NIM1K: variants seen among roughly 807,000 people sequenced by gnomAD.
NIM1K encodes serine/threonine-protein kinase NIM1.
NIM1K carries 35 observed loss-of-function variants against 37.1 expected under a neutral mutation model. That is an observed-to-expected ratio of 0.94 (90% CI 0.72 to 1.25). NIM1K has a LOEUF of 1.25. Ranked by LOEUF, NIM1K falls within the 50% of genes most tolerant of loss-of-function variation. The probability of loss-of-function intolerance (pLI) is 0.00; values close to 1 mark genes in which losing one functional copy is unlikely to be tolerated. For missense variants in NIM1K, 564 were observed against 548.0 expected (o/e 1.03, Z -0.29); for synonymous variants, 234 against 206.6 (o/e 1.13, Z -1.14).
chr5:43,244,709 T>C (rs1351336867), intron 1 of NIM1K, among the ~76,000 whole-genome samples: 1 of 152,238 alleles, frequency 6.6e-6, no homozygotes, highest in African/African-American at 2.4e-5. Flanking sequence ...ATTATTTGAA[T>C]AAATATGAGA....
At chr5:43,211,398 TG>T (rs1321414376) in intron 1 of NIM1K, among the ~76,000 whole-genome samples, 1 of 152,186 alleles carries the variant, frequency 6.6e-6, no homozygotes, top group Non-Finnish European at 1.5e-5. Flanking sequence ...TTGTTTTCCT[TG>T]GGTCTGCATC....
intron 2 of NIM1K, among the ~76,000 whole-genome samples, chr5:43,268,688 C>T (rs1053684370): frequency 6.6e-6 from 1 of 152,164 alleles, no homozygotes; most frequent in African/African-American, 2.4e-5. Context: ...TATATCCACA[C>T]CTTAGCAGAA....
intron 1 of NIM1K, among the ~76,000 whole-genome samples, chr5:43,240,942 A>T (rs1752691363): frequency 6.6e-6 from 1 of 151,998 alleles, no homozygotes; most frequent in Admixed American, 6.5e-5. Flanking sequence ...TTTATGTCAG[A>T]AATACACATC....
At chr5:43,199,756 A>G (rs1481309827) in intron 1 of NIM1K, among the ~76,000 whole-genome samples, 3 of 152,236 alleles carry the variant, frequency 2.0e-5, no homozygotes, top group African/African-American at 7.2e-5. Context: ...GAAGAGAGTT[A>G]GTAGTGACGT....
intron 2 of NIM1K, among the ~76,000 whole-genome samples, chr5:43,257,963 A>C (rs148087084): frequency 1.5e-3 from 232 of 152,204 alleles, no homozygotes; most frequent in African/African-American, 5.4e-3. Flanking sequence ...TATCAATACC[A>C]AAAAAGTTTA....
chr5:43,203,167 C>T (rs940186181), intron 1 of NIM1K, among the ~76,000 whole-genome samples: 1 of 152,142 alleles, frequency 6.6e-6, no homozygotes, highest in African/African-American at 2.4e-5. Context: ...TCCTAGGCTC[C>T]ACTCAGTTCC....
At chr5:43,219,761 C>T (rs1293229731) in intron 1 of NIM1K, among the ~76,000 whole-genome samples, 2 of 151,906 alleles carry the variant, frequency 1.3e-5, no homozygotes, top group African/African-American at 4.8e-5. Context: ...GGCTCTGTCG[C>T]CCACAGGCTG....
rs1443860217 is a variant in NIM1K, at chr5:43,245,775, G to A, written c.-1G>A. On this transcript the variant is annotated 5_prime_UTR_variant, in exon 2 of 4. Coordinates refer to ENST00000326035, the MANE Select transcript of NIM1K (RefSeq NM_153361.4). ...GATGGAGACGTGAGCCCCCGTGGACGATGACTGCAGTGTATATGAATGGAG... is the reference window on the plus strand; with the variant it reads ...GATGGAGACGTGAGCCCCCGTGGACAATGACTGCAGTGTATATGAATGGAG... 2 of 1,577,142 alleles carry A rather than the reference G, an allele frequency of 1.3e-6. No individual in the cohort carries two copies. The highest frequency in any genetic ancestry group is 1.2e-5 in the South Asian group (1 of 86,514).
At chr5:43,202,624 A>G (rs948232121) in intron 1 of NIM1K, among the ~76,000 whole-genome samples, 4 of 152,208 alleles carry the variant, frequency 2.6e-5, no homozygotes, top group Non-Finnish European at 4.4e-5. Flanking sequence ...TGGTTTAGCC[A>G]AGTATTAAGA....
At chr5:43,278,025 TTCC>T (rs1333277651) in intron 3 of NIM1K, among the ~76,000 whole-genome samples, 405 of 150,372 alleles carry the variant, frequency 2.7e-3, no homozygotes, top group African/African-American at 8.7e-3. Context: ...TTTTCCTTCC[TTCC>T]TTCCTTCCTT....
intron 2 of NIM1K, among the ~76,000 whole-genome samples, chr5:43,253,212 ATGTGTGTG>A (rs10603525): frequency 0.46 from 60,272 of 129,648 alleles, 15,378 homozygotes; most frequent in Middle Eastern, 0.55. Flanking sequence ...AATATAATAT[ATGTGTGTG>A]TGTGTGTGTG....
intron 1 of NIM1K, among the ~76,000 whole-genome samples, chr5:43,215,176 C>T (rs556921365): frequency 1.8e-4 from 27 of 152,208 alleles, no homozygotes; most frequent in Non-Finnish European, 2.9e-4. Context: ...GGTCAATTAG[C>T]AAGTACTATG....
At chr5:43,194,944 GT>G (rs1208150953) in intron 1 of NIM1K, 1 of 152,080 alleles carries the variant, frequency 6.6e-6, no homozygotes, top group Non-Finnish European at 1.5e-5. Context: ...GTAGGTTAAT[GT>G]TTTTGTCACA....
intron 2 of NIM1K, among the ~76,000 whole-genome samples, chr5:43,272,355 C>T (rs1753270616): frequency 6.6e-6 from 1 of 152,066 alleles, no homozygotes; most frequent in African/African-American, 2.4e-5. Context: ...TTTTATGCTC[C>T]TAATGCTCCT....
chr5:43,222,061 C>CTTGGTGTCTAT (rs1752387955), intron 1 of NIM1K, among the ~76,000 whole-genome samples: 1 of 152,196 alleles, frequency 6.6e-6, no homozygotes, highest in Non-Finnish European at 1.5e-5. Context: ...TGGACAGACA[C>CTTGGTGTCTAT]TACCTCTGGC....
At chr5:43,264,185 T>C (rs959365501) in intron 2 of NIM1K, among the ~76,000 whole-genome samples, 1 of 152,216 alleles carries the variant, frequency 6.6e-6, no homozygotes, top group East Asian at 1.9e-4. Context: ...TTGTTAACTT[T>C]CTGTCTCATT....
chr5:43,278,096 A>G (rs1197982856), intron 3 of NIM1K, among the ~76,000 whole-genome samples: 78 of 143,940 alleles, frequency 5.4e-4, no homozygotes, highest in Middle Eastern at 3.7e-3. Flanking sequence ...CCCAGGATGG[A>G]GTGCAGTGGC....
At chr5:43,276,582 TA>T (rs1434220485) in intron 2 of NIM1K, among the ~76,000 whole-genome samples, 1 of 151,818 alleles carries the variant, frequency 6.6e-6, no homozygotes, top group Non-Finnish European at 1.5e-5. Context: ...AAAGCAAGAG[TA>T]AAGAACAGGG....
chr5:43,239,154 G>T (rs1218905973), intron 1 of NIM1K, among the ~76,000 whole-genome samples: 1 of 151,912 alleles, frequency 6.6e-6, no homozygotes, highest in Non-Finnish European at 1.5e-5. Flanking sequence ...CTGCAAAGTT[G>T]CTTATCACTA....
Sources: gnomAD v4.1 joint callset for allele counts (sites outside exome capture counted in the v4.1 genomes callset) on GRCh38, gnomAD v4.1.1 for gene constraint, MANE v1.5 for transcripts, NCBI Gene and HGNC (gene_info 2026-07-23, HGNC 2026-07-21) for gene names.